Variants in BBX observed in about 807,000 individuals in gnomAD.
The protein encoded by BBX is HMG box transcription factor BBX.
BBX carries 30 observed loss-of-function variants against 100.2 expected under a neutral mutation model. That is an observed-to-expected ratio of 0.30 (90% CI 0.22 to 0.41). BBX has a LOEUF of 0.41. BBX is among the 10% of genes least tolerant of loss of function. BBX has a pLI of 1.00. For synonymous variants in BBX, 376 were observed against 388.1 expected (o/e 0.97, Z 0.37); for missense variants, 1,023 against 1,129.8 (o/e 0.91, Z 1.35).
intron 2 of BBX, among the ~76,000 whole-genome samples, chr3:107,584,081 ATATATATCATAT>A (rs1559839961): frequency 4.4e-4 from 11 of 24,768 alleles, no homozygotes; most frequent in African/African-American, 1.7e-3. Context: ...TATATATATT[ATATATATCATAT>A]ATTATATATA....
Position 107,526,324 on chromosome 3 carries a change from T to G in BBX, c.-155-3T>G. On this transcript the variant is annotated splice_polypyrimidine_tract_variant and splice_region_variant and intron_variant, in intron 1 of 17. Transcript: ENST00000325805. ...TGATGTACCTTTATTTGATACTTTA[T>G]AGGTCACTATCATATGACAAAGGCT... 1 of 398,656 alleles carries G rather than the reference T, an allele frequency of 2.5e-6. No individual in the cohort carries two copies. The highest frequency in any genetic ancestry group is 6.3e-4 in the Middle Eastern group (1 of 1,588). 24.7% of individuals were successfully genotyped at this position (398,656 alleles called of 1,614,324 possible). A position where few individuals can be genotyped will look rare whatever the true frequency, so the allele number is the denominator to read the frequency against.
chr3:107,778,713 C>T (rs1477024949), intron 13 of BBX, among the ~76,000 whole-genome samples, 194 bp downstream of exon 13: 2 of 151,966 alleles, frequency 1.3e-5, no homozygotes, highest in African/African-American at 4.8e-5. Context: ...TGTCCATTGG[C>T]ATCTCAGTCT....
intron 3 of BBX, among the ~76,000 whole-genome samples, chr3:107,694,938 C>T (rs982278301): frequency 1.1e-4 from 17 of 151,664 alleles, no homozygotes; most frequent in African/African-American, 2.4e-4. Flanking sequence ...GTGTATGTGT[C>T]GAGGAATTTA....
chr3:107,731,246 T>A (rs1334387527), intron 6 of BBX, among the ~76,000 whole-genome samples: 1 of 152,186 alleles, frequency 6.6e-6, no homozygotes, highest in Admixed American at 6.5e-5. Context: ...AAAGTCACAT[T>A]GGTATATAAA....
chr3:107,562,826 G>C (rs2107481609), intron 2 of BBX, among the ~76,000 whole-genome samples: 1 of 152,250 alleles, frequency 6.6e-6, no homozygotes, highest in African/African-American at 2.4e-5. Context: ...ACGTGCTTCA[G>C]ACTTGTACAA....
chr3:107,622,515 G>T (rs2055853497), intron 2 of BBX, among the ~76,000 whole-genome samples: 1 of 152,120 alleles, frequency 6.6e-6, no homozygotes, highest in South Asian at 2.1e-4. Flanking sequence ...TTTCAGAGCA[G>T]CTATGCCATT....
chr3:107,568,320 A>G (rs2051079295), intron 2 of BBX, among the ~76,000 whole-genome samples: 1 of 144,922 alleles, frequency 6.9e-6, no homozygotes, highest in African/African-American at 2.6e-5. Context: ...GCTGGAGTGC[A>G]GTGGCGGAAT....
At chr3:107,526,531 C>T (rs1459251738) in intron 2 of BBX, 133 bp downstream of exon 2, 4 of 395,262 alleles carry the variant, frequency 1.0e-5, no homozygotes, top group South Asian at 1.4e-4. Flanking sequence ...CTGAGTTTCC[C>T]ACAGCATAAG....
At chr3:107,650,944 G>C (rs2057802850) in intron 3 of BBX, among the ~76,000 whole-genome samples, 1 of 152,152 alleles carries the variant, frequency 6.6e-6, no homozygotes, top group African/African-American at 2.4e-5. Context: ...CCACCAGAAA[G>C]GGCTGCCTTT....
Position 107,752,840 on chromosome 3 carries a change from G to C in BBX, c.826-2758G>C, listed in dbSNP as rs560176164. ...CTAGTGCCCTCTACCTACCAACCTAGCAAACACACACTTCCCTCCATAGCT... is the reference window on the plus strand; with the variant it reads ...CTAGTGCCCTCTACCTACCAACCTACCAAACACACACTTCCCTCCATAGCT... On this transcript the variant is annotated intron_variant, in intron 9 of 17. Transcript: ENST00000325805. Among the ~76,000 whole-genome samples, 257 of 152,224 alleles carry C rather than the reference G, an allele frequency of 1.7e-3. 1 individual carries two copies. Among genetic ancestry groups the C allele is most frequent in the Middle Eastern group, 3.4e-3 (1 of 294 alleles).
At chr3:107,678,701 C>T (rs1422533541) in intron 3 of BBX, among the ~76,000 whole-genome samples, 1 of 151,806 alleles carries the variant, frequency 6.6e-6, no homozygotes, top group Admixed American at 6.6e-5. Flanking sequence ...ACTTCAGCCT[C>T]GGCAAGAAGG....
chr3:107,572,708 T>G (rs913255961), intron 2 of BBX, among the ~76,000 whole-genome samples: 1 of 152,156 alleles, frequency 6.6e-6, no homozygotes, highest in African/African-American at 2.4e-5. Flanking sequence ...ATCTTAAAAG[T>G]ATGACTAGGA....
intron 12 of BBX, among the ~76,000 whole-genome samples, chr3:107,775,616 G>A (rs935364870): frequency 2.6e-5 from 4 of 152,010 alleles, no homozygotes; most frequent in Admixed American, 1.3e-4. Flanking sequence ...ATAGAAATAA[G>A]TACATTGTTA....
chr3:107,636,111 A>C (rs528965848), intron 2 of BBX, among the ~76,000 whole-genome samples: 1 of 152,294 alleles, frequency 6.6e-6, no homozygotes, highest in South Asian at 2.1e-4. Flanking sequence ...TTTATTTTGC[A>C]TGCTTTGCCA....
chr3:107,531,365 A>C (rs2048149276), intron 2 of BBX, among the ~76,000 whole-genome samples: 1 of 152,166 alleles, frequency 6.6e-6, no homozygotes, highest in Non-Finnish European at 1.5e-5. Flanking sequence ...GACTCTGAGC[A>C]TGTTACCTCA....
At chr3:107,566,458 A>G (rs1441879033) in intron 2 of BBX, among the ~76,000 whole-genome samples, 1 of 151,830 alleles carries the variant, frequency 6.6e-6, no homozygotes, top group African/African-American at 2.4e-5. Flanking sequence ...AGCTAAAATA[A>G]TTTTCTATAA....
At chr3:107,711,728 A>G (rs532890725) in intron 4 of BBX, among the ~76,000 whole-genome samples, 3 of 152,156 alleles carry the variant, frequency 2.0e-5, no homozygotes, top group Non-Finnish European at 4.4e-5. Flanking sequence ...TGAGGGTATT[A>G]TCAAGCTTGT....
rs2071222980 is a variant in BBX, at chr3:107,809,924, C to G, written c.*4467C>G. 2 of 152,158 alleles carry G rather than the reference C, an allele frequency of 1.3e-5. No individual in the cohort carries two copies. Among genetic ancestry groups the G allele is most frequent in the African/African-American group, 4.8e-5 (2 of 41,420 alleles). 9.4% of individuals were successfully genotyped at this position (152,158 alleles called of 1,614,324 possible). On this transcript the variant is annotated 3_prime_UTR_variant, in exon 18 of 18. Transcript: ENST00000325805. ...CTTATTTAGATTGACTAACAGCATACTTACAATTTTAAAAGAAGCTGTTGT... is the reference window on the plus strand; with the variant it reads ...CTTATTTAGATTGACTAACAGCATAGTTACAATTTTAAAAGAAGCTGTTGT...
At chr3:107,795,307 C>T (rs2069509692) in intron 15 of BBX, among the ~76,000 whole-genome samples, 2 of 152,166 alleles carry the variant, frequency 1.3e-5, no homozygotes, top group African/African-American at 4.8e-5. Flanking sequence ...GATACAGTCC[C>T]ATCTGCCTTC....
Sources: allele counts gnomAD v4.1 joint callset (sites outside exome capture counted in the v4.1 genomes callset), GRCh38; gene constraint gnomAD v4.1.1; transcripts MANE v1.5; gene names NCBI Gene and HGNC (gene_info 2026-07-23, HGNC 2026-07-21).